Variants in PDZRN4 observed in about 807,000 individuals in gnomAD.
PDZRN4 encodes PDZ domain-containing RING finger protein 4.
A neutral mutation model predicts 99.0 loss-of-function variants in PDZRN4; 70 were observed. The ratio of observed to expected loss-of-function variants is 0.71; its 90% CI spans 0.58 to 0.86. PDZRN4 has a LOEUF of 0.86. Among genes scored for constraint, PDZRN4 ranks in the 40% least tolerant of loss-of-function variants. PDZRN4 has a pLI of 0.00. For missense variants in PDZRN4, 1,474 were observed against 1,331.2 expected, an observed-to-expected ratio of 1.11 and a Z score of -1.67; for synonymous variants, 551 against 501.6, an observed-to-expected ratio of 1.10 and a Z score of -1.32.
At chr12:41,290,402 T>C (rs1217143456) in intron 3 of PDZRN4, among the ~76,000 whole-genome samples, 2 of 152,174 alleles carry the variant, frequency 1.3e-5, no homozygotes, top group Non-Finnish European at 2.9e-5. Flanking sequence ...AAAGAAAAGT[T>C]AATAGGTCAT....
At chr12:41,268,220 G>T (rs1287432095) in intron 3 of PDZRN4, among the ~76,000 whole-genome samples, 1 of 152,162 alleles carries the variant, frequency 6.6e-6, no homozygotes, top group African/African-American at 2.4e-5. Context: ...AAGTAGTGTT[G>T]TGTCAACTTT....
At chr12:41,192,208 A>T (rs1202152429) in intron 2 of PDZRN4, among the ~76,000 whole-genome samples, 1 of 151,890 alleles carries the variant, frequency 6.6e-6, no homozygotes, top group African/African-American at 2.4e-5. Flanking sequence ...GGTTCAATTG[A>T]TTCTCCTGCC....
intron 5 of PDZRN4, among the ~76,000 whole-genome samples, chr12:41,510,803 GT>G (rs1335650359): frequency 6.6e-6 from 1 of 152,068 alleles, no homozygotes; most frequent in Non-Finnish European, 1.5e-5. Context: ...GCAAATGGAC[GT>G]TTGTTTGAAA....
chr12:41,241,894 A>G (rs1030301441), intron 3 of PDZRN4, among the ~76,000 whole-genome samples: 1 of 152,212 alleles, frequency 6.6e-6, no homozygotes, highest in Non-Finnish European at 1.5e-5. Flanking sequence ...AGAACTTTCC[A>G]GTATAGCTTT....
intron 3 of PDZRN4, among the ~76,000 whole-genome samples, chr12:41,229,462 G>C (rs1174914168): frequency 2.0e-5 from 3 of 152,040 alleles, no homozygotes. Flanking sequence ...TGCATTTCAA[G>C]TAAGCATGAG....
At chr12:41,256,009 TG>T (rs1951202639) in intron 3 of PDZRN4, among the ~76,000 whole-genome samples, 1 of 152,138 alleles carries the variant, frequency 6.6e-6, no homozygotes, top group South Asian at 2.1e-4. Context: ...ACATAAGATT[TG>T]GAGGGGACAC....
At chr12:41,517,927 A>G (rs1319241276) in intron 5 of PDZRN4, among the ~76,000 whole-genome samples, 1 of 152,092 alleles carries the variant, frequency 6.6e-6, no homozygotes, top group African/African-American at 2.4e-5. Flanking sequence ...TAGCATTCAG[A>G]GCAAGTTAGC....
intron 3 of PDZRN4, among the ~76,000 whole-genome samples, chr12:41,350,309 T>C (rs76678528): frequency 4.0e-3 from 605 of 152,222 alleles, no homozygotes; most frequent in Non-Finnish European, 6.8e-3. Context: ...TTCCAGAGTT[T>C]AGTGTTTTTC....
chr12:41,305,032 G>T (rs1022599084), intron 3 of PDZRN4, among the ~76,000 whole-genome samples: 1 of 152,216 alleles, frequency 6.6e-6, no homozygotes, highest in Admixed American at 6.5e-5. Flanking sequence ...AGCTGGGCCA[G>T]TTTTGGAGTC....
At chr12:41,535,369 T>C (rs534192050) in intron 5 of PDZRN4, among the ~76,000 whole-genome samples, 8 of 152,348 alleles carry the variant, frequency 5.3e-5, no homozygotes, top group South Asian at 4.1e-4. Context: ...TATTACCCTC[T>C]TAGGAGTTTT....
intron 3 of PDZRN4, among the ~76,000 whole-genome samples, chr12:41,197,920 GTT>G (rs533696414): frequency 8.7e-6 from 1 of 115,598 alleles, no homozygotes. Context: ...TTTTTTCTGG[GTT>G]TTTTTTTTTG....
intron 3 of PDZRN4, among the ~76,000 whole-genome samples, chr12:41,333,729 T>A (rs765276069): frequency 4.6e-5 from 7 of 152,300 alleles, no homozygotes; most frequent in Non-Finnish European, 8.8e-5. Flanking sequence ...TCTCATAGAC[T>A]ATTGAGCATT....
chr12:41,494,396 A>T (rs561880821), intron 3 of PDZRN4, among the ~76,000 whole-genome samples: 5 of 152,216 alleles, frequency 3.3e-5, no homozygotes, highest in Non-Finnish European at 7.4e-5. Flanking sequence ...CTGCACCTCT[A>T]GGGGCAGATA....
chr12:41,299,516 T>A (rs1451864862), intron 3 of PDZRN4, among the ~76,000 whole-genome samples: 1 of 152,096 alleles, frequency 6.6e-6, no homozygotes, highest in Non-Finnish European at 1.5e-5. Context: ...TATTTTATAA[T>A]CCCCTGTTTT....
intron 7 of PDZRN4, among the ~76,000 whole-genome samples, chr12:41,556,927 A>T (rs1202163271): frequency 2.0e-5 from 3 of 152,138 alleles, no homozygotes; most frequent in African/African-American, 7.2e-5. Flanking sequence ...AGGCAGGCAG[A>T]TCACCTGAGG....
intron 3 of PDZRN4, among the ~76,000 whole-genome samples, chr12:41,366,006 G>A (rs866420856): frequency 1.3e-5 from 2 of 152,118 alleles, no homozygotes; most frequent in African/African-American, 2.4e-5. Context: ...CGTGGCAGTG[G>A]AGATGGAAGG....
rs147910134 is a variant in PDZRN4, at chr12:41,571,376, T to TCACA, written c.1585-960_1585-957dup. ...CTCTCTCTCTCTCTCTCTCTCTCTC[T>TCACA]CACACACACACACACACACACACAC... On this transcript the variant is annotated intron_variant, in intron 9 of 9. Coordinates refer to ENST00000402685, the MANE Select transcript of PDZRN4 (RefSeq NM_001164595.2). Among the ~76,000 whole-genome samples the TCACA allele has an allele frequency of 3.9e-3, 255 of 65,578 alleles. 3 individuals carry two copies. The highest frequency in any genetic ancestry group is 3.1e-3 in the Non-Finnish European group (94 of 29,916). The allele number at this position is 65,578 out of a possible 152,430, so 43.0% of individuals were successfully genotyped here.
chr12:41,320,452 T>C (rs1433478383), intron 3 of PDZRN4, among the ~76,000 whole-genome samples: 1 of 152,210 alleles, frequency 6.6e-6, no homozygotes, highest in East Asian at 1.9e-4. Context: ...TCTTAACAAT[T>C]CAAGAAGAGC....
intron 3 of PDZRN4, among the ~76,000 whole-genome samples, chr12:41,487,556 T>C (rs1483957091): frequency 6.6e-6 from 1 of 152,208 alleles, no homozygotes; most frequent in African/African-American, 2.4e-5. Flanking sequence ...GTGTTCAATA[T>C]TGAGAACTCT....
Sources: allele counts gnomAD v4.1 joint callset (sites outside exome capture counted in the v4.1 genomes callset), GRCh38; gene constraint gnomAD v4.1.1; transcripts MANE v1.5; gene names NCBI Gene and HGNC (gene_info 2026-07-23, HGNC 2026-07-21).